WWOX: variants seen among roughly 807,000 people sequenced by gnomAD.
WWOX encodes WW domain-containing oxidoreductase.
A neutral mutation model predicts 46.2 loss-of-function variants in WWOX; 69 were observed. The observed-to-expected ratio is 1.49, with a 90% CI of 1.23 to 1.82. WWOX has a LOEUF of 1.82. Among genes scored for constraint, WWOX ranks in the 40% most tolerant of loss-of-function variants. WWOX has a pLI of 0.00. For synonymous variants in WWOX, 359 were observed against 202.6 expected (o/e 1.77, Z -6.56); for missense variants, 919 against 542.6 (o/e 1.69, Z -6.89).
chr16:78,847,782 AAG>A (rs1259351178), intron 8 of WWOX, among the ~76,000 whole-genome samples: 3 of 151,904 alleles, frequency 2.0e-5, no homozygotes, highest in African/African-American at 7.3e-5. Context: ...TAAAAAAAAA[AAG>A]AAGAAGAAAA....
chr16:79,148,535 T>G (rs1020046535), intron 8 of WWOX, among the ~76,000 whole-genome samples: 2 of 152,208 alleles, frequency 1.3e-5, no homozygotes, highest in African/African-American at 4.8e-5. Flanking sequence ...AAGATTATTT[T>G]AGCTTCCTAA....
intron 8 of WWOX, among the ~76,000 whole-genome samples, chr16:78,983,870 C>CTTTTTTTTTTTTTTTTT (rs760130115): frequency 1.3e-5 from 1 of 79,844 alleles, no homozygotes; most frequent in Non-Finnish European, 2.2e-5. Context: ...GAGAGCTATT[C>CTTTTTTTTTTTTTTTTT]TTTTTTTTTT....
intron 8 of WWOX, among the ~76,000 whole-genome samples, chr16:78,452,148 A>C (rs889622067): frequency 1.3e-5 from 2 of 152,168 alleles, no homozygotes; most frequent in Non-Finnish European, 2.9e-5. Context: ...ATCCCACAGA[A>C]TCTCTTAATA....
chr16:78,113,442 G>A (rs909326543), intron 3 of WWOX, among the ~76,000 whole-genome samples: 4 of 152,338 alleles, frequency 2.6e-5, no homozygotes, highest in Non-Finnish European at 4.4e-5. Context: ...AGTGATGGGC[G>A]TTGTTGTGTT....
chr16:79,012,972 G>T (rs562842947), intron 8 of WWOX, among the ~76,000 whole-genome samples: 7 of 152,198 alleles, frequency 4.6e-5, no homozygotes, highest in African/African-American at 1.7e-4. Flanking sequence ...CGGGTGGATC[G>T]CCTGAGGTCA....
At chr16:78,358,858 A>G (rs1472829159) in intron 5 of WWOX, among the ~76,000 whole-genome samples, 1 of 113,968 alleles carries the variant, frequency 8.8e-6, no homozygotes, top group Non-Finnish European at 1.8e-5. Flanking sequence ...TTGAAATCAC[A>G]CTGTGGTCTT....
intron 8 of WWOX, among the ~76,000 whole-genome samples, chr16:78,752,201 G>A (rs2049499452): frequency 6.6e-6 from 1 of 152,222 alleles, no homozygotes; most frequent in Non-Finnish European, 1.5e-5. Context: ...CCTTTAAGTA[G>A]TTGAGTGACT....
chr16:78,422,889 A>ATTT (rs1237529975), intron 6 of WWOX, among the ~76,000 whole-genome samples: 1 of 121,892 alleles, frequency 8.2e-6, no homozygotes, highest in South Asian at 2.5e-4. Context: ...ACACACATAT[A>ATTT]TTTTTTTTTT....
intron 8 of WWOX, among the ~76,000 whole-genome samples, chr16:78,925,581 T>G (rs2045479661): frequency 6.6e-6 from 1 of 152,204 alleles, no homozygotes; most frequent in Admixed American, 6.5e-5. Context: ...GAAGGGGTAG[T>G]ATTACAGGGA....
intron 8 of WWOX, among the ~76,000 whole-genome samples, chr16:78,882,031 C>A (rs2044352806): frequency 6.6e-6 from 1 of 152,046 alleles, no homozygotes; most frequent in Admixed American, 6.6e-5. Context: ...AAGGCTGAGG[C>A]AGGATAATTG....
intron 8 of WWOX, among the ~76,000 whole-genome samples, chr16:78,857,153 A>G (rs2052585806): frequency 6.6e-6 from 1 of 152,368 alleles, no homozygotes; most frequent in South Asian, 2.1e-4. Context: ...TATCTCACAT[A>G]TGCAAAGAGT....
intron 8 of WWOX, among the ~76,000 whole-genome samples, chr16:78,884,518 G>T (rs532860562): frequency 3.6e-4 from 55 of 152,222 alleles, no homozygotes; most frequent in African/African-American, 1.3e-3. Context: ...CAACAAGAAT[G>T]AATGACTTAG....
chr16:78,717,881 G>A (rs981536940), intron 8 of WWOX, among the ~76,000 whole-genome samples: 1 of 152,138 alleles, frequency 6.6e-6, no homozygotes, highest in African/African-American at 2.4e-5. Flanking sequence ...AAGGAGCTGT[G>A]TACTGGTTTG....
intron 4 of WWOX, among the ~76,000 whole-genome samples, chr16:78,152,433 G>A (rs1479770810): frequency 2.0e-5 from 3 of 152,274 alleles, no homozygotes; most frequent in East Asian, 3.9e-4. Context: ...CTGGGTCAAA[G>A]AGCATGTCCA....
At chr16:78,874,693 T>TC (rs979673287) in intron 8 of WWOX, among the ~76,000 whole-genome samples, 1 of 144,826 alleles carries the variant, frequency 6.9e-6, no homozygotes, top group Non-Finnish European at 1.5e-5. Flanking sequence ...TCTTTTTTTT[T>TC]TTTTTTTTTT....
At chr16:78,884,116 A>T (rs2044401215) in intron 8 of WWOX, among the ~76,000 whole-genome samples, 1 of 151,762 alleles carries the variant, frequency 6.6e-6, no homozygotes, top group Non-Finnish European at 1.5e-5. Flanking sequence ...CTGTCTCTAC[A>T]AAAATATTAG....
chr16:78,134,977 A>G (rs2033737178), intron 4 of WWOX, among the ~76,000 whole-genome samples: 1 of 152,214 alleles, frequency 6.6e-6, no homozygotes, highest in South Asian at 2.1e-4. Flanking sequence ...GCACAGTGAG[A>G]ACGGGAGAGG....
intron 8 of WWOX, among the ~76,000 whole-genome samples, chr16:78,701,164 C>T (rs2048207938): frequency 6.6e-6 from 1 of 152,144 alleles, no homozygotes; most frequent in African/African-American, 2.4e-5. Flanking sequence ...GCACTTATAA[C>T]AGGACCTGGC....
At chr16:78,218,447 A>G (rs1381284766) in intron 5 of WWOX, among the ~76,000 whole-genome samples, 2 of 152,088 alleles carry the variant, frequency 1.3e-5, no homozygotes, top group African/African-American at 2.4e-5. Context: ...ATGTAACTCT[A>G]TAGGACTAAG....
Sources: allele counts gnomAD v4.1 joint callset (sites outside exome capture counted in the v4.1 genomes callset), GRCh38; gene constraint gnomAD v4.1.1; transcripts MANE v1.5; gene names NCBI Gene and HGNC (gene_info 2026-07-23, HGNC 2026-07-21).